PCLO: variants seen among roughly 807,000 people sequenced by gnomAD.
PCLO encodes piccolo presynaptic cytomatrix protein, also known as protein piccolo.
Under a neutral mutation model 427.5 loss-of-function variants are expected in PCLO, and 82 were observed. That is an observed-to-expected ratio of 0.19 (90% CI 0.16 to 0.23). The LOEUF is 0.23. PCLO is among the 10% of genes least tolerant of loss of function. PCLO has a pLI of 1.00. For missense variants in PCLO, 6,239 were observed against 6,115.9 expected, an observed-to-expected ratio of 1.02 and a Z score of -0.67; for synonymous variants, 2,357 against 2,155.4, an observed-to-expected ratio of 1.09 and a Z score of -2.59.
At chr7:82,768,165 G>A (rs558488242) in intron 22 of PCLO, among the ~76,000 whole-genome samples, 11 of 152,306 alleles carry the variant, frequency 7.2e-5, no homozygotes, top group African/African-American at 2.4e-4. Context: ...GCTCACACCT[G>A]TAATCCCAGC....
chr7:82,774,760 C>A (rs1156458097), intron 22 of PCLO, among the ~76,000 whole-genome samples: 1 of 152,090 alleles, frequency 6.6e-6, no homozygotes, highest in Non-Finnish European at 1.5e-5. Flanking sequence ...ATCAGTATCG[C>A]CCAAAGTCCA....
intron 3 of PCLO, among the ~76,000 whole-genome samples, chr7:82,982,517 C>T (rs1308600276): frequency 2.0e-5 from 3 of 152,002 alleles, no homozygotes; most frequent in Non-Finnish European, 4.4e-5. Context: ...AGCCTTTGCT[C>T]TCCCTCATCT....
Position 83,154,913 on chromosome 7 carries a change from T to G in PCLO, c.1728A>C (p.Ala576=). Reference sequence around the variant, plus strand: ...GGAGGCCTTGTGAAGGAGGCTGTTTTGCAGATGGAGACACTGTTGGTGGCT... The same window carrying G: ...GGAGGCCTTGTGAAGGAGGCTGTTTGGCAGATGGAGACACTGTTGGTGGCT... The part of the protein sequence containing the change: ...PLQPPTVSPS[A]KQPPSQGLPK... The change falls in exon 2 of 25, where the codon GCA becomes GCC. Residue 576 remains alanine (A), a synonymous_variant. Coordinates refer to ENST00000333891, the MANE Select transcript of PCLO (RefSeq NM_033026.6). 1 of 1,614,058 alleles carries G rather than the reference T, an allele frequency of 6.2e-7. No homozygotes were observed. Among genetic ancestry groups the G allele is most frequent in the South Asian group, 1.1e-5 (1 of 91,090 alleles).
chr7:82,899,224 C>T (rs2116172947), intron 9 of PCLO, among the ~76,000 whole-genome samples: 1 of 151,408 alleles, frequency 6.6e-6, no homozygotes, highest in South Asian at 2.1e-4. Flanking sequence ...GTAGAGCTAA[C>T]AATAAATCCT....
chr7:83,153,159 CAT>C (rs1014154442), intron 2 of PCLO, among the ~76,000 whole-genome samples: 1 of 149,946 alleles, frequency 6.7e-6, no homozygotes, highest in Non-Finnish European at 1.5e-5. Context: ...TAAAAAGCTA[CAT>C]ATATATATGT....
chr7:82,867,304 A>G (rs1793120135), intron 10 of PCLO, among the ~76,000 whole-genome samples: 1 of 152,196 alleles, frequency 6.6e-6, no homozygotes. Context: ...TATTCTAAGC[A>G]TGACATTATG....
chr7:83,111,748 T>G (rs1257547553), intron 3 of PCLO, among the ~76,000 whole-genome samples: 1 of 152,216 alleles, frequency 6.6e-6, no homozygotes, highest in Non-Finnish European at 1.5e-5. Flanking sequence ...TATGAGCTAT[T>G]GTTATAAAGT....
intron 6 of PCLO, among the ~76,000 whole-genome samples, chr7:82,945,529 G>A (rs930849678): frequency 6.6e-6 from 1 of 152,172 alleles, no homozygotes; most frequent in South Asian, 2.1e-4. Context: ...CAATATGGTA[G>A]TATCCTTATA....
At chr7:83,107,986 TAAAAAAAAAAAAA>T (rs58192300) in intron 3 of PCLO, among the ~76,000 whole-genome samples, 1 of 95,400 alleles carries the variant, frequency 1.0e-5, no homozygotes, top group African/African-American at 3.5e-5. Context: ...AGACTCCGTC[TAAAAAAAAAAAAA>T]AAAAAAAAAA....
At chr7:83,048,512 C>A (rs990442686) in intron 3 of PCLO, among the ~76,000 whole-genome samples, 6 of 152,020 alleles carry the variant, frequency 3.9e-5, no homozygotes, top group African/African-American at 1.4e-4. Context: ...CCAGGTCACC[C>A]AGAAATCAAA....
intron 2 of PCLO, among the ~76,000 whole-genome samples, chr7:83,139,572 T>C (rs1196289887): frequency 2.6e-5 from 4 of 152,158 alleles, no homozygotes; most frequent in South Asian, 2.1e-4. Flanking sequence ...CCTAAGCAGA[T>C]AGTTAGGAGA....
Position 82,889,913 on chromosome 7 carries a change from A to G in PCLO, c.13529-10451T>C, listed in dbSNP as rs565332106. On this transcript the variant is annotated intron_variant, in intron 9 of 24. Transcript: ENST00000333891. Reference sequence around the variant, plus strand: ...CTTTCAACTTTTAGTGTGTGTGCACATGTGTGTAAAAAACGCAAGAAGTAA... The same window carrying G: ...CTTTCAACTTTTAGTGTGTGTGCACGTGTGTGTAAAAAACGCAAGAAGTAA... 2.6e-5 allele frequency among the ~76,000 whole-genome samples: 4 copies of G among 152,124 alleles called. No homozygotes were observed. The South Asian group carries it at 8.3e-4, about 32-fold the overall frequency.
chr7:83,094,862 T>C (rs73170056), intron 3 of PCLO, among the ~76,000 whole-genome samples: 13,558 of 152,194 alleles, frequency 0.089, 754 homozygotes, highest in Non-Finnish European at 0.12. Flanking sequence ...CTGAATTCTA[T>C]CTGATAATAT....
At chr7:82,855,211 C>A (rs908000300) in intron 10 of PCLO, among the ~76,000 whole-genome samples, 1 of 152,042 alleles carries the variant, frequency 6.6e-6, no homozygotes, top group Non-Finnish European at 1.5e-5. Flanking sequence ...CAAGTCACAA[C>A]CATTTTTTAG....
chr7:83,077,484 A>G (rs1789985925), intron 3 of PCLO, among the ~76,000 whole-genome samples: 1 of 152,200 alleles, frequency 6.6e-6, no homozygotes, highest in East Asian at 1.9e-4. Flanking sequence ...AAGTGGTTTC[A>G]TCATCAAAAA....
At chr7:82,801,823 G>T in intron 21 of PCLO, among the ~76,000 whole-genome samples, 1 of 152,008 alleles carries the variant, frequency 6.6e-6, no homozygotes, top group East Asian at 1.9e-4. Flanking sequence ...TCCTATTCAG[G>T]CCAAACAATA....
At chr7:83,071,580 T>C (rs1789816659) in intron 3 of PCLO, among the ~76,000 whole-genome samples, 8 of 152,166 alleles carry the variant, frequency 5.3e-5, no homozygotes, top group Admixed American at 5.2e-4. Context: ...TCTCTTTCTC[T>C]GTCATTCCCT....
chr7:82,803,407 T>C (rs1457919363), intron 21 of PCLO, among the ~76,000 whole-genome samples: 1 of 152,116 alleles, frequency 6.6e-6, no homozygotes, highest in Non-Finnish European at 1.5e-5. Context: ...CAAGTACATT[T>C]TGATAATTTT....
chr7:82,924,431 A>AGTATTAT (rs1794667040), intron 6 of PCLO, among the ~76,000 whole-genome samples: 1 of 152,136 alleles, frequency 6.6e-6, no homozygotes, highest in Non-Finnish European at 1.5e-5. Context: ...TTATTAGAAC[A>AGTATTAT]CAGGAAGAAA....
Sources: allele counts gnomAD v4.1 joint callset (sites outside exome capture counted in the v4.1 genomes callset), GRCh38; gene constraint gnomAD v4.1.1; transcripts MANE v1.5; gene names NCBI Gene and HGNC (gene_info 2026-07-23, HGNC 2026-07-21).